ATG7: variants seen among roughly 807,000 people sequenced by gnomAD.
ATG7 encodes autophagy related 7, also known as ubiquitin-like modifier-activating enzyme ATG7.
In ATG7, 70 loss-of-function variants were observed where a neutral mutation model predicts 82.4. The observed-to-expected ratio is 0.85, with a 90% CI of 0.70 to 1.04. The LOEUF is 1.04. ATG7 is among the 50% of genes least tolerant of loss of function. The pLI, the probability that ATG7 is intolerant of heterozygous loss-of-function variation, is 0.00. For missense variants in ATG7, 792 were observed against 864.3 expected (o/e 0.92, Z 1.05); for synonymous variants, 287 against 313.0 (o/e 0.92, Z 0.88).
intron 19 of ATG7, among the ~76,000 whole-genome samples, chr3:11,388,585 C>T (rs1177046846): frequency 1.3e-5 from 2 of 151,994 alleles, no homozygotes; most frequent in East Asian, 1.9e-4. Context: ...CCTGCCACCA[C>T]GCCTGGCTAA....
At position 11,368,432 on chromosome 3, in the gene ATG7, A is replaced by T. The variant is rs961431231; in HGVS notation, c.1875+3698A>T. On this transcript the variant is annotated intron_variant, in intron 18 of 20. Coordinates refer to ENST00000693202, the MANE Select transcript of ATG7 (RefSeq NM_001349232.2). ...TTTGCCGGCTGGCAAGAGATCCTGG[A>T]TGTGACAGAAATTAACAGCCTGTTG... 2.6e-5 allele frequency among the ~76,000 whole-genome samples: 4 copies of T among 151,986 alleles called. No homozygotes were observed. In the South Asian group the frequency reaches 8.3e-4, roughly 31 times the overall value.
intron 20 of ATG7, among the ~76,000 whole-genome samples, chr3:11,473,880 A>G (rs2087822420): frequency 6.6e-6 from 1 of 152,208 alleles, no homozygotes; most frequent in Non-Finnish European, 1.5e-5. Context: ...ACCCCAAAAC[A>G]TCAGCGAGCC....
chr3:11,388,453 G>C (rs62245865), intron 19 of ATG7, among the ~76,000 whole-genome samples: 1 of 149,236 alleles, frequency 6.7e-6, no homozygotes, highest in Non-Finnish European at 1.5e-5. Flanking sequence ...TTTTTTTAAG[G>C]AGTCTTGCTC....
chr3:11,413,247 T>A (rs932631326), intron 19 of ATG7, among the ~76,000 whole-genome samples: 7 of 152,226 alleles, frequency 4.6e-5, no homozygotes, highest in African/African-American at 1.7e-4. Flanking sequence ...TTTTTCCTGA[T>A]CTTAGAGAGA....
intron 20 of ATG7, among the ~76,000 whole-genome samples, chr3:11,522,332 G>A (rs976960571): frequency 6.6e-6 from 1 of 152,182 alleles, no homozygotes; most frequent in African/African-American, 2.4e-5. Context: ...GGAGAATCAT[G>A]TATTTTTAGA....
intron 19 of ATG7, among the ~76,000 whole-genome samples, chr3:11,403,975 T>C (rs1039285673): frequency 2.6e-5 from 4 of 152,154 alleles, no homozygotes; most frequent in Admixed American, 1.3e-4. Context: ...TTTTCCAATT[T>C]ACCTCCTTGT....
At chr3:11,345,282 GC>G (rs1440315097) in intron 13 of ATG7, among the ~76,000 whole-genome samples, 1 of 152,152 alleles carries the variant, frequency 6.6e-6, no homozygotes, top group Non-Finnish European at 1.5e-5. Context: ...GGTGGCAGGC[GC>G]CTGTGGTCCC....
chr3:11,296,370 C>T (rs1484223500), intron 3 of ATG7, among the ~76,000 whole-genome samples: 1 of 152,180 alleles, frequency 6.6e-6, no homozygotes, highest in African/African-American at 2.4e-5. Flanking sequence ...GAGCTTTATT[C>T]TCTCTTTTCA....
At chr3:11,563,925 C>T in the ATG7 span, among the ~76,000 whole-genome samples, 1 of 152,184 alleles carries the variant, frequency 6.6e-6, no homozygotes, top group Non-Finnish European at 1.5e-5. Flanking sequence ...CCATCAGACA[C>T]GGACACCAGG....
intron 20 of ATG7, among the ~76,000 whole-genome samples, chr3:11,438,257 G>T (rs1468488663): frequency 1.3e-5 from 2 of 152,108 alleles, no homozygotes; most frequent in Non-Finnish European, 2.9e-5. Context: ...CCTGAGCAGT[G>T]GTTCCCACCC....
chr3:11,474,556 T>C (rs936028266), intron 20 of ATG7, among the ~76,000 whole-genome samples: 1 of 152,174 alleles, frequency 6.6e-6, no homozygotes, highest in Non-Finnish European at 1.5e-5. Flanking sequence ...GCCAAGATCA[T>C]ACCACTATAC....
At chr3:11,494,244 A>G (rs556577703) in intron 20 of ATG7, among the ~76,000 whole-genome samples, 1 of 152,336 alleles carries the variant, frequency 6.6e-6, no homozygotes, top group South Asian at 2.1e-4. Flanking sequence ...GCAGGAAAAC[A>G]GGAATTAGGG....
chr3:11,330,489 G>C (rs188030817), intron 9 of ATG7, among the ~76,000 whole-genome samples: 42 of 152,056 alleles, frequency 2.8e-4, no homozygotes, highest in African/African-American at 9.9e-4. Context: ...GTATCACCTT[G>C]GCATGCCCCA....
At chr3:11,399,229 T>A (rs1227028387) in intron 19 of ATG7, among the ~76,000 whole-genome samples, 2 of 152,072 alleles carry the variant, frequency 1.3e-5, no homozygotes, top group Non-Finnish European at 2.9e-5. Context: ...GTACATATAG[T>A]CCCAGCTACT....
intron 6 of ATG7, among the ~76,000 whole-genome samples, chr3:11,307,896 G>A (rs932402730): frequency 6.6e-6 from 1 of 152,218 alleles, no homozygotes; most frequent in Non-Finnish European, 1.5e-5. Flanking sequence ...ACTCAGGAGA[G>A]GATGGTCGTT....
At chr3:11,395,904 T>C (rs567567538) in intron 19 of ATG7, among the ~76,000 whole-genome samples, 16 of 116,472 alleles carry the variant, frequency 1.4e-4, no homozygotes, top group African/African-American at 4.0e-4. Flanking sequence ...CACACCACTA[T>C]ACTCCAGCCT....
chr3:11,351,858 T>TTG (rs1442832589), intron 14 of ATG7, among the ~76,000 whole-genome samples: 1 of 151,942 alleles, frequency 6.6e-6, no homozygotes, highest in African/African-American at 2.4e-5. Context: ...TTTCTTTTTT[T>TTG]TTTTTTATTA....
At chr3:11,386,904 T>G (rs1472297709) in intron 19 of ATG7, among the ~76,000 whole-genome samples, 1 of 152,240 alleles carries the variant, frequency 6.6e-6, no homozygotes, top group East Asian at 1.9e-4. Flanking sequence ...CTACAAGCCT[T>G]AACCTCAGAA....
At chr3:11,292,238 TTTTC>T (rs1245171074) in intron 3 of ATG7, among the ~76,000 whole-genome samples, 11 of 152,006 alleles carry the variant, frequency 7.2e-5, no homozygotes, top group South Asian at 2.1e-4. Context: ...GAATTTATTT[TTTTC>T]TTTCTTTCTT....
Sources: allele counts gnomAD v4.1 joint callset (sites outside exome capture counted in the v4.1 genomes callset), GRCh38; gene constraint gnomAD v4.1.1; transcripts MANE v1.5; gene names NCBI Gene and HGNC (gene_info 2026-07-23, HGNC 2026-07-21).